Variants in MMS19 observed in about 807,000 individuals in gnomAD.
MMS19 encodes the protein MMS19 cytosolic iron-sulfur assembly component.
MMS19 carries 77 observed loss-of-function variants against 129.8 expected under a neutral mutation model. The observed-to-expected ratio is 0.59, with a 90% CI of 0.49 to 0.72. The LOEUF is 0.72. Ranked by LOEUF, MMS19 falls within the 30% of genes least tolerant of loss-of-function variation. The pLI is 0.00. For synonymous variants in MMS19, 491 were observed against 502.8 expected (o/e 0.98, Z 0.31); for missense variants, 1,168 against 1,266.3 (o/e 0.92, Z 1.18).
Position 97,462,024 on chromosome 10 carries a change from G to A in MMS19, c.2108C>T (p.Pro703Leu). Reference protein sequence around the residue: ...PENSFPSRFQPFQDGSSGQRR... With the variant: ...PENSFPSRFQLFQDGSSGQRR... Reference sequence around the variant, plus strand: ...AAGTTCTAAGACTGTTACCTGGAATGGCTGGAATCTGCTCGGGAAGCTGTT... The same window carrying A: ...AAGTTCTAAGACTGTTACCTGGAATAGCTGGAATCTGCTCGGGAAGCTGTT... Residue 703 changes from proline (P) to leucine (L), a missense_variant, in exon 21 of 31, where the codon CCA becomes CTA. Physicochemically the swap from Pro to Leu is moderately conservative, Grantham distance 98 (BLOSUM62 -3). This residue lies in a region of MMS19 where 831 missense variants were observed against 910.8 expected (regional missense o/e 0.91). Transcript: ENST00000438925. 1 of 1,589,526 alleles carries A rather than the reference G, an allele frequency of 6.3e-7. No individual in the cohort carries two copies. The highest frequency in any genetic ancestry group is 8.6e-7 in the Non-Finnish European group (1 of 1,167,722).
Position 97,472,601 on chromosome 10 carries a change from T to G in MMS19, c.685-1740A>C, listed in dbSNP as rs183964066. On this transcript the variant is annotated intron_variant, in intron 8 of 30. Coordinates refer to ENST00000438925, the MANE Select transcript of MMS19 (RefSeq NM_022362.5). ...CTTAGGAGAAAATAATTTCCATTTTTTTTTTGTTTTTGTTTTTGGTTTTTT... is the reference window on the plus strand; with the variant it reads ...CTTAGGAGAAAATAATTTCCATTTTGTTTTTGTTTTTGTTTTTGGTTTTTT... 9.9e-5 allele frequency among the ~76,000 whole-genome samples: 15 copies of G among 152,124 alleles called. No individual in the cohort carries two copies. In the East Asian group the frequency reaches 1.2e-3, roughly 12 times the overall value.
At chr10:97,498,124 C>T (rs2040138210) in intron 1 of MMS19, 149 bp downstream of exon 1, 3 of 667,844 alleles carry the variant, frequency 4.5e-6, no homozygotes, top group South Asian at 4.0e-5. Flanking sequence ...TAACTTGTTA[C>T]GGCTCTGAAC....
chr10:97,463,275 G>A (rs1038859241), intron 19 of MMS19, among the ~76,000 whole-genome samples: 1 of 151,440 alleles, frequency 6.6e-6, no homozygotes, highest in Admixed American at 6.6e-5. Context: ...GGGCTCAGGT[G>A]ATCCTCCCAC....
At chr10:97,463,789 G>A in intron 19 of MMS19, 69 bp downstream of exon 19, 1 of 1,340,644 alleles carries the variant, frequency 7.5e-7, no homozygotes. Context: ...AATACCCAGA[G>A]GGTGGTGCTG....
intron 1 of MMS19, among the ~76,000 whole-genome samples, chr10:97,488,079 G>T (rs985399015): frequency 6.6e-5 from 10 of 151,732 alleles, no homozygotes; most frequent in Admixed American, 5.9e-4. Context: ...ACAGAGTGAC[G>T]ATCTGTCTCA....
chr10:97,458,992 A>G (rs1217304766), intron 29 of MMS19, 92 bp from the exon 30 acceptor site: 1 of 1,299,002 alleles, frequency 7.7e-7, no homozygotes, highest in South Asian at 1.3e-5. Flanking sequence ...TTCTGAGGAA[A>G]GCAAAACATC....
At chr10:97,494,790 T>A in intron 1 of MMS19, among the ~76,000 whole-genome samples, 1 of 152,334 alleles carries the variant, frequency 6.6e-6, no homozygotes, top group East Asian at 1.9e-4. Flanking sequence ...GGGGTCTTCT[T>A]AGAGTCCTCT....
At chr10:97,481,462 C>T (rs747012017) in intron 2 of MMS19, among the ~76,000 whole-genome samples, 2 of 151,998 alleles carry the variant, frequency 1.3e-5, no homozygotes, top group African/African-American at 2.4e-5. Flanking sequence ...AAGGAGAATA[C>T]GTGTATTTCT....
chr10:97,466,732 G>C (rs1191288932), intron 15 of MMS19, 44 bp downstream of exon 15: 1 of 1,613,684 alleles, frequency 6.2e-7, no homozygotes, highest in Non-Finnish European at 8.5e-7. Context: ...AGTCTTACAA[G>C]AAAAGGACCA....
rs1412081794 is a variant in MMS19 at position 97,478,159 on chromosome 10, G to A, written c.348+145C>T. The A allele has an allele frequency of 6.0e-5, 42 of 701,894 alleles. 1 individual carries two copies. The highest frequency in any genetic ancestry group is 3.6e-4 in the Middle Eastern group (1 of 2,746). 43.5% of individuals were successfully genotyped at this position (701,894 alleles called of 1,614,324 possible). A position where few individuals can be genotyped will look rare whatever the true frequency, so the allele number is the denominator to read the frequency against. On this transcript the variant is annotated intron_variant, in intron 4 of 30. Coordinates refer to ENST00000438925, the MANE Select transcript of MMS19 (RefSeq NM_022362.5). ...CACTTTTACTCTCTAGAGGGAAAAC[G>A]GAAGTAGAGCTGGTAACACTAATTT...
At chr10:97,464,906 A>G (rs1240356382) in intron 18 of MMS19, among the ~76,000 whole-genome samples, 1 of 152,026 alleles carries the variant, frequency 6.6e-6, no homozygotes, top group South Asian at 2.1e-4. Context: ...GCCATGTTGC[A>G]TCGGCTGGTT....
intron 1 of MMS19, among the ~76,000 whole-genome samples, chr10:97,496,511 C>CAAAAAAAA: frequency 9.3e-6 from 1 of 108,050 alleles, no homozygotes; most frequent in Non-Finnish European, 2.0e-5. Flanking sequence ...GACCTTGTCT[C>CAAAAAAAA]AAAAAAAAAA....
At chr10:97,474,598 G>T (rs138822462) in intron 8 of MMS19, among the ~76,000 whole-genome samples, 330 of 152,202 alleles carry the variant, frequency 2.2e-3, no homozygotes, top group Middle Eastern at 0.02. Context: ...ACCCTGATTT[G>T]TAAGACAATA....
intron 3 of MMS19, among the ~76,000 whole-genome samples, chr10:97,479,942 G>C (rs1484582025): frequency 2.0e-5 from 3 of 152,208 alleles, no homozygotes; most frequent in African/African-American, 7.2e-5. Flanking sequence ...TAAAGCCCTG[G>C]CTCTTAGTGC....
At chr10:97,483,526 A>G (rs2037270472) in intron 2 of MMS19, among the ~76,000 whole-genome samples, 1 of 152,226 alleles carries the variant, frequency 6.6e-6, no homozygotes, top group African/African-American at 2.4e-5. Context: ...ACTCTTACTA[A>G]TAAGACTTGT....
At chr10:97,485,143 T>G (rs190765002) in intron 1 of MMS19, among the ~76,000 whole-genome samples, 6 of 152,208 alleles carry the variant, frequency 3.9e-5, no homozygotes, top group African/African-American at 1.4e-4. Flanking sequence ...ATTTATTTAT[T>G]TTTGAGATGG....
In MMS19 at chr10:97,476,824, C is replaced by T. The variant is rs759700018; in HGVS notation, c.622+11G>A. ...AGCTCCAATGAGCTAATCATGGCTA[C>T]CACGATATACCCAGGCTATAGTCCC... On this transcript the variant is annotated intron_variant, in intron 7 of 30. Coordinates refer to ENST00000438925, the MANE Select transcript of MMS19 (RefSeq NM_022362.5). 1.9e-6 allele frequency: 3 copies of T among 1,613,580 alleles called. No homozygotes were observed. Among genetic ancestry groups the T allele is most frequent in the African/African-American group, 1.3e-5 (1 of 74,912 alleles).
intron 8 of MMS19, among the ~76,000 whole-genome samples, chr10:97,476,318 C>T (rs1351391136): frequency 1.3e-5 from 2 of 152,180 alleles, no homozygotes; most frequent in Non-Finnish European, 2.9e-5. Flanking sequence ...TCAGTTCCTG[C>T]CTACTCTAGC....
At chr10:97,491,191 T>C (rs1288997208) in intron 1 of MMS19, among the ~76,000 whole-genome samples, 2 of 152,162 alleles carry the variant, frequency 1.3e-5, no homozygotes, top group South Asian at 2.1e-4. Context: ...GATGAAGCCA[T>C]AGGGGACTAA....
Sources: allele counts gnomAD v4.1 joint callset (sites outside exome capture counted in the v4.1 genomes callset), GRCh38; gene constraint gnomAD v4.1.1; regional missense constraint gnomAD v4.1.1; transcripts MANE v1.5; gene names NCBI Gene and HGNC (gene_info 2026-07-23, HGNC 2026-07-21).